MAP4K3: variants seen among roughly 807,000 people sequenced by gnomAD.
The protein encoded by MAP4K3 is mitogen-activated protein kinase kinase kinase kinase 3.
In MAP4K3, 94 loss-of-function variants were observed where a neutral mutation model predicts 143.5. That is an observed-to-expected ratio of 0.65 (90% CI 0.55 to 0.78). The LOEUF is 0.78. Among genes scored for constraint, MAP4K3 ranks in the 30% least tolerant of loss-of-function variants. The pLI is 0.00. For synonymous variants in MAP4K3, 416 were observed against 347.2 expected (o/e 1.20, Z -2.20); for missense variants, 1,077 against 1,068.1 (o/e 1.01, Z -0.12).
At chr2:39,295,872 C>T (rs750341632) in intron 16 of MAP4K3, among the ~76,000 whole-genome samples, 8 of 151,876 alleles carry the variant, frequency 5.3e-5, no homozygotes, top group Non-Finnish European at 8.8e-5. Flanking sequence ...GCGTGCACCA[C>T]CATGCCCGGC....
intron 1 of MAP4K3, among the ~76,000 whole-genome samples, chr2:39,395,346 C>T (rs923630484): frequency 2.0e-5 from 3 of 152,024 alleles, no homozygotes; most frequent in Admixed American, 6.6e-5. Flanking sequence ...CACACACACA[C>T]ACACACACAC....
chr2:39,251,281 G>C (rs1266031481), intron 33 of MAP4K3, among the ~76,000 whole-genome samples: 1 of 152,202 alleles, frequency 6.6e-6, no homozygotes, highest in Non-Finnish European at 1.5e-5. Context: ...CTGCCCGCAT[G>C]ATCAAAGGTT....
intron 28 of MAP4K3, among the ~76,000 whole-genome samples, chr2:39,261,668 G>C (rs568370792): frequency 1.3e-5 from 2 of 152,108 alleles, no homozygotes; most frequent in South Asian, 4.1e-4. Context: ...ATATACAAGA[G>C]ACAAATGCAA....
intron 12 of MAP4K3, among the ~76,000 whole-genome samples, chr2:39,317,747 A>G (rs929331281): frequency 2.0e-5 from 3 of 152,164 alleles, no homozygotes; most frequent in Non-Finnish European, 4.4e-5. Context: ...TTGAAAAGTC[A>G]AAAAATAACA....
intron 1 of MAP4K3, among the ~76,000 whole-genome samples, chr2:39,401,035 C>T (rs994447828): frequency 6.6e-6 from 1 of 152,114 alleles, no homozygotes; most frequent in African/African-American, 2.4e-5. Flanking sequence ...CAGAGTTTTA[C>T]AATTGTCCCG....
intron 4 of MAP4K3, among the ~76,000 whole-genome samples, chr2:39,339,357 C>T (rs1665075158): frequency 6.6e-6 from 1 of 152,080 alleles, no homozygotes; most frequent in Non-Finnish European, 1.5e-5. Context: ...ATCTGAAAAC[C>T]CTGAAAATAA....
chr2:39,273,029 G>A (rs1217768595), intron 24 of MAP4K3, among the ~76,000 whole-genome samples: 1 of 151,878 alleles, frequency 6.6e-6, no homozygotes, highest in Non-Finnish European at 1.5e-5. Context: ...GGCTGAGATA[G>A]AAGATGATGA....
At chr2:39,414,048 C>G (rs962867659) in intron 1 of MAP4K3, among the ~76,000 whole-genome samples, 10 of 152,146 alleles carry the variant, frequency 6.6e-5, no homozygotes, top group Non-Finnish European at 1.3e-4. Flanking sequence ...GAACATGATT[C>G]TCATGGTCAG....
intron 1 of MAP4K3, among the ~76,000 whole-genome samples, chr2:39,420,761 T>C (rs1667524329): frequency 6.6e-6 from 1 of 152,154 alleles, no homozygotes; most frequent in Admixed American, 6.5e-5. Flanking sequence ...TAAGAGCTAT[T>C]ATTCCTTTGA....
chr2:39,306,751 C>G (rs1461324423), intron 15 of MAP4K3, among the ~76,000 whole-genome samples: 1 of 152,242 alleles, frequency 6.6e-6, no homozygotes, highest in Admixed American at 6.5e-5. Flanking sequence ...GAGCCAGCAT[C>G]TGGTCCCTTT....
intron 2 of MAP4K3, among the ~76,000 whole-genome samples, chr2:39,359,031 T>C (rs769101545): frequency 2.0e-5 from 3 of 152,160 alleles, no homozygotes; most frequent in Non-Finnish European, 2.9e-5. Context: ...CACTCCAGCA[T>C]CAACCCAAAA....
chr2:39,333,961 TTGTGTGTGTGTGTGTG>T (rs60361690), intron 6 of MAP4K3, among the ~76,000 whole-genome samples: 11 of 144,044 alleles, frequency 7.6e-5, no homozygotes, highest in African/African-American at 2.3e-4. Context: ...TTTCCCATTT[TTGTGTGTGTGTGTGTG>T]TGTGTGTGTG....
intron 19 of MAP4K3, among the ~76,000 whole-genome samples, chr2:39,289,944 G>A (rs999360707): frequency 6.6e-6 from 1 of 152,102 alleles, no homozygotes; most frequent in Non-Finnish European, 1.5e-5. Context: ...AACTTTAGCT[G>A]GACCTGGTGG....
chr2:39,326,364 T>G, intron 8 of MAP4K3, 87 bp from the exon 9 acceptor site: 1 of 1,461,970 alleles, frequency 6.8e-7, no homozygotes. Context: ...ATTATCACTA[T>G]CTAAATTAAG....
chr2:39,322,675 G>T (rs1238822122), intron 12 of MAP4K3, among the ~76,000 whole-genome samples: 51 of 133,508 alleles, frequency 3.8e-4, no homozygotes, highest in Non-Finnish European at 6.9e-4. Context: ...TCTATTTTTT[G>T]TTTTTTTTTT....
chr2:39,333,999 G>GTT (rs1553413774), intron 6 of MAP4K3, among the ~76,000 whole-genome samples: 3 of 144,082 alleles, frequency 2.1e-5, no homozygotes, highest in East Asian at 2.0e-4. Context: ...GTGTGTGTGT[G>GTT]TTTTTAAAAG....
At chr2:39,398,385 C>T (rs1666866523) in intron 1 of MAP4K3, among the ~76,000 whole-genome samples, 2 of 151,848 alleles carry the variant, frequency 1.3e-5, no homozygotes, top group South Asian at 2.1e-4. Flanking sequence ...AACCAGGGTG[C>T]AAAGTATTAG....
chr2:39,417,219 T>TC, intron 1 of MAP4K3, among the ~76,000 whole-genome samples: 1 of 149,834 alleles, frequency 6.7e-6, no homozygotes, highest in African/African-American at 2.4e-5. Context: ...TCTTTTCTTT[T>TC]TTTTTTTTTT....
chr2:39,339,669 G>A lies in MAP4K3; in HGVS notation c.311-2088C>T, dbSNP rs140110329. On this transcript the variant is annotated intron_variant, in intron 4 of 33. Coordinates refer to ENST00000263881, the MANE Select transcript of MAP4K3 (RefSeq NM_003618.4). ...CATTAAAGGTGTAGACAAGCACGAC[G>A]ATAACTAGGGATTTTGGCTGTCATA... is the stretch of plus-strand genomic sequence containing the variant. Among the ~76,000 whole-genome samples the A allele has an allele frequency of 7.1e-3, 1,074 of 152,210 alleles. 7 individuals carry two copies. Among genetic ancestry groups the A allele is most frequent in the Non-Finnish European group, 0.011 (732 of 68,014 alleles).
Sources: gnomAD v4.1 joint callset for allele counts (sites outside exome capture counted in the v4.1 genomes callset) on GRCh38, gnomAD v4.1.1 for gene constraint, MANE v1.5 for transcripts, NCBI Gene and HGNC (gene_info 2026-07-23, HGNC 2026-07-21) for gene names.